The following SEMA3A variants were observed in gnomAD, a reference collection of about 807,000 sequenced individuals.
SEMA3A encodes the protein semaphorin 3A.
A neutral mutation model predicts 97.9 loss-of-function variants in SEMA3A; 29 were observed. That is an observed-to-expected ratio of 0.30 (90% CI 0.22 to 0.40). SEMA3A has a LOEUF of 0.40. Ranked by LOEUF, SEMA3A falls within the 10% of genes least tolerant of loss-of-function variation. SEMA3A has a pLI of 1.00. For missense variants in SEMA3A, 763 were observed against 951.3 expected (o/e 0.80, Z 2.60); for synonymous variants, 321 against 323.7 (o/e 0.99, Z 0.09).
chr7:84,319,911 A>T (rs2115903810), intron 2 of SEMA3A, among the ~76,000 whole-genome samples: 1 of 152,232 alleles, frequency 6.6e-6, no homozygotes, highest in African/African-American at 2.4e-5. Context: ...TATATATTTT[A>T]TATTACGCAT....
At chr7:84,351,527 A>G (rs898864332) in intron 2 of SEMA3A, among the ~76,000 whole-genome samples, 2 of 152,150 alleles carry the variant, frequency 1.3e-5, no homozygotes, top group South Asian at 4.1e-4. Context: ...ATAGGAAAAA[A>G]AAATCAAATA....
At chr7:84,207,531 A>G (rs1798520058) in intron 3 of SEMA3A, among the ~76,000 whole-genome samples, 1 of 152,222 alleles carries the variant, frequency 6.6e-6, no homozygotes, top group African/African-American at 2.4e-5. Context: ...CTATGTTAAG[A>G]AACTCTGTTT....
intron 1 of SEMA3A, among the ~76,000 whole-genome samples, chr7:84,377,009 G>C (rs918118083): frequency 2.0e-5 from 3 of 152,098 alleles, no homozygotes; most frequent in African/African-American, 4.8e-5. Flanking sequence ...CTGTGCAGAA[G>C]CTTTTCAGTT....
intron 1 of SEMA3A, among the ~76,000 whole-genome samples, chr7:84,451,508 TA>T (rs2116365799): frequency 6.6e-6 from 1 of 152,350 alleles, no homozygotes; most frequent in African/African-American, 2.4e-5. Context: ...AGATTTTGAT[TA>T]CTCTTACCTA....
chr7:84,406,248 C>A (rs1584298434), intron 1 of SEMA3A, among the ~76,000 whole-genome samples: 1 of 152,078 alleles, frequency 6.6e-6, no homozygotes. Flanking sequence ...ATACAAACTA[C>A]CATCAGAGAA....
chr7:84,163,212 T>C (rs1444478755), intron 1 of SEMA3A, among the ~76,000 whole-genome samples: 2 of 152,226 alleles, frequency 1.3e-5, no homozygotes, highest in Non-Finnish European at 2.9e-5. Context: ...CCAGTATTCA[T>C]ATGCTTTGTA....
At position 84,181,350 on chromosome 7, in the gene SEMA3A, T is replaced by C. The variant is rs146551909; in HGVS notation, c.112+13125A>G. On this transcript the variant is annotated intron_variant, in intron 1 of 16. Transcript: ENST00000265362. ...TATATATATATATATAACACACATA[T>C]ACATGAGTAGAAAGACTATATAACA... 4.3e-3 allele frequency among the ~76,000 whole-genome samples: 647 copies of C among 150,020 alleles called. 7 individuals are homozygous for C. The highest frequency in any genetic ancestry group is 0.015 in the African/African-American group (601 of 41,138).
At chr7:84,403,041 G>C (rs917885692) in intron 1 of SEMA3A, among the ~76,000 whole-genome samples, 6 of 152,080 alleles carry the variant, frequency 3.9e-5, no homozygotes, top group African/African-American at 1.2e-4. Flanking sequence ...GAGTGCCGGA[G>C]AGTGGGTGCA....
chr7:84,027,031 T>C (rs1452081678), intron 6 of SEMA3A, among the ~76,000 whole-genome samples: 2 of 152,120 alleles, frequency 1.3e-5, no homozygotes, highest in Non-Finnish European at 2.9e-5. Flanking sequence ...AGCAAAATTA[T>C]GTGTGTGTAC....
chr7:84,411,373 T>C (rs1804260340), intron 1 of SEMA3A, among the ~76,000 whole-genome samples: 1 of 152,076 alleles, frequency 6.6e-6, no homozygotes. Context: ...TCAGCAGGGA[T>C]TTATCTCTCA....
rs193274524 is a variant in SEMA3A, at chr7:84,464,526, C to G, written c.-246+27934G>C. Among the ~76,000 whole-genome samples the G allele has an allele frequency of 4.6e-5, 7 of 152,106 alleles. No homozygotes were observed. In the South Asian group the frequency reaches 1.2e-3, roughly 27 times the overall value. On this transcript the variant is annotated intron_variant, in intron 1 of 3. Transcript: ENST00000424555. ...AAGAATGAAGAAGTAAATGAAAGAACGAAAGAACTCCTTGAGTGAAATAAT... is the reference window on the plus strand; with the variant it reads ...AAGAATGAAGAAGTAAATGAAAGAAGGAAAGAACTCCTTGAGTGAAATAAT...
chr7:84,072,956 G>T (rs1356866406), intron 4 of SEMA3A, among the ~76,000 whole-genome samples: 1 of 151,952 alleles, frequency 6.6e-6, no homozygotes, highest in Admixed American at 6.6e-5. Context: ...ATAATGGAGG[G>T]AATAAGAATT....
intron 11 of SEMA3A, among the ~76,000 whole-genome samples, chr7:84,003,210 A>C (rs1241320795): frequency 6.6e-6 from 1 of 152,132 alleles, no homozygotes. Flanking sequence ...AGTTAAACCA[A>C]AAAAAGTACA....
chr7:84,399,107 G>A (rs903480225), intron 1 of SEMA3A, among the ~76,000 whole-genome samples: 11 of 152,152 alleles, frequency 7.2e-5, no homozygotes, highest in Non-Finnish European at 1.3e-4. Context: ...TCTGAAAAGA[G>A]AATCTGTGTG....
intron 1 of SEMA3A, among the ~76,000 whole-genome samples, chr7:84,440,113 A>C (rs1200148360): frequency 1.3e-5 from 2 of 152,186 alleles, no homozygotes. Flanking sequence ...TTCTGGGAAA[A>C]TGGCAGCGTG....
chr7:84,000,687 C>T (rs562137020), intron 12 of SEMA3A, among the ~76,000 whole-genome samples: 2 of 152,134 alleles, frequency 1.3e-5, no homozygotes, highest in Admixed American at 1.3e-4. Flanking sequence ...GAGTCTAAAC[C>T]CTTTCCAGTA....
At chr7:84,230,277 C>A (rs1450273351) in intron 3 of SEMA3A, among the ~76,000 whole-genome samples, 1 of 151,894 alleles carries the variant, frequency 6.6e-6, no homozygotes, top group Non-Finnish European at 1.5e-5. Flanking sequence ...TTCAGTCTAA[C>A]AACTTTTAAA....
intron 2 of SEMA3A, among the ~76,000 whole-genome samples, chr7:84,349,322 C>G (rs1415801378): frequency 6.6e-6 from 1 of 152,096 alleles, no homozygotes; most frequent in Non-Finnish European, 1.5e-5. Context: ...TTTTCCTTAA[C>G]AAATATTTTG....
intron 3 of SEMA3A, among the ~76,000 whole-genome samples, chr7:84,220,552 T>G (rs1185493943): frequency 6.6e-6 from 1 of 152,182 alleles, no homozygotes; most frequent in Non-Finnish European, 1.5e-5. Context: ...TCTTAACTAA[T>G]AAGACTTGAA....
Sources: gnomAD v4.1 joint callset for allele counts (sites outside exome capture counted in the v4.1 genomes callset) on GRCh38, gnomAD v4.1.1 for gene constraint, MANE v1.5 for transcripts, NCBI Gene and HGNC (gene_info 2026-07-23, HGNC 2026-07-21) for gene names.